The following GPHN variants were observed in gnomAD, a reference collection of about 807,000 sequenced individuals.
GPHN encodes gephyrin.
Under a neutral mutation model 95.5 loss-of-function variants are expected in GPHN, and 17 were observed. That is an observed-to-expected ratio of 0.18 (90% confidence interval 0.12 to 0.27). The LOEUF is 0.27. Among genes scored for constraint, GPHN ranks in the 10% least tolerant of loss-of-function variants. GPHN has a pLI of 1.00. For synonymous variants in GPHN, 320 were observed against 322.5 expected, an observed-to-expected ratio of 0.99 and a Z score of 0.08; for missense variants, 660 against 978.1, an observed-to-expected ratio of 0.67 and a Z score of 4.34.
chr14:67,422,879 T>C, the GPHN span, among the ~76,000 whole-genome samples: 4 of 148,922 alleles, frequency 2.7e-5, no homozygotes, highest in African/African-American at 1.0e-4. Context: ...TTGCCCAGGC[T>C]GGAGTACAAT....
At chr14:67,661,397 GAGACT>G in the GPHN span, among the ~76,000 whole-genome samples, 2 of 150,694 alleles carry the variant, frequency 1.3e-5, no homozygotes, top group Non-Finnish European at 2.9e-5. Flanking sequence ...GGTACCAACT[GAGACT>G]CATGCATGTC....
rs544939628 is a variant in GPHN, at chr14:66,904,915, A to G, written c.390-11088A>G. On this transcript the variant is annotated intron_variant, in intron 5 of 22. Transcript: ENST00000478722. Reference sequence around the variant, plus strand: ...CTTGGAGTAGTCTTATTTGGGTCCTATCCATTTGGTGTTCTCTGACCTTCC... The same window carrying G: ...CTTGGAGTAGTCTTATTTGGGTCCTGTCCATTTGGTGTTCTCTGACCTTCC... Among the ~76,000 whole-genome samples the G allele has an allele frequency of 7.2e-5, 11 of 152,226 alleles. No homozygotes were observed. In the South Asian group the frequency reaches 2.3e-3, roughly 32 times the overall value.
chr14:66,687,463 CTTCTTT>C (rs970868703), intron 2 of GPHN, among the ~76,000 whole-genome samples: 9 of 147,098 alleles, frequency 6.1e-5, no homozygotes, highest in Non-Finnish European at 1.2e-4. Flanking sequence ...TACAATATTA[CTTCTTT>C]TTCTTTATTT....
intron 4 of GPHN, among the ~76,000 whole-genome samples, chr14:66,830,963 A>G (rs776172718): frequency 1.4e-4 from 21 of 152,066 alleles, no homozygotes; most frequent in Non-Finnish European, 2.8e-4. Context: ...TAAGACAGGT[A>G]TTATTTTATG....
the GPHN span, among the ~76,000 whole-genome samples, chr14:67,194,859 C>T: frequency 6.6e-6 from 1 of 152,128 alleles, no homozygotes; most frequent in Admixed American, 6.5e-5. Context: ...GGTTTCACAA[C>T]GTTGGCCAGG....
At chr14:67,023,571 T>TATGC in intron 9 of GPHN, 62 bp from the exon 10 acceptor site, 1 of 1,310,314 alleles carries the variant, frequency 7.6e-7, no homozygotes, top group Non-Finnish European at 1.1e-6. Flanking sequence ...GCCCATTAAA[T>TATGC]ATGCATATCT....
chr14:67,323,997 G>T, the GPHN span, among the ~76,000 whole-genome samples: 1 of 152,186 alleles, frequency 6.6e-6, no homozygotes, highest in Non-Finnish European at 1.5e-5. Context: ...GCTTTCCAAA[G>T]TTGGGGCATC....
At chr14:67,731,207 C>CTTTT in the GPHN span, among the ~76,000 whole-genome samples, 324 of 90,556 alleles carry the variant, frequency 3.6e-3, no homozygotes, top group African/African-American at 0.014. Context: ...TTCTTTCTTT[C>CTTTT]TTTTTTTTTT....
the GPHN span, among the ~76,000 whole-genome samples, chr14:67,214,640 G>GC: frequency 6.6e-5 from 10 of 151,982 alleles, no homozygotes; most frequent in African/African-American, 2.4e-4. Context: ...GATTGACTTG[G>GC]CGATGCGGGC....
intron 9 of GPHN, among the ~76,000 whole-genome samples, chr14:67,014,738 G>T (rs2073205399): frequency 6.6e-6 from 1 of 152,124 alleles, no homozygotes; most frequent in Admixed American, 6.5e-5. Flanking sequence ...TCTTAAGATT[G>T]GGAAATAATG....
chr14:66,584,651 G>T (rs2061345154), intron 1 of GPHN, among the ~76,000 whole-genome samples: 1 of 152,076 alleles, frequency 6.6e-6, no homozygotes, highest in South Asian at 2.1e-4. Context: ...ATGATCATGT[G>T]GTTTTCGTCT....
At chr14:67,204,784 A>AT in the GPHN span, 3 of 1,613,854 alleles carry the variant, frequency 1.9e-6, no homozygotes, top group African/African-American at 4.0e-5. Context: ...CACAGGCTCC[A>AT]TGGATGTGAC....
chr14:67,592,292 T>C, the GPHN span: 1 of 411,084 alleles, frequency 2.4e-6, no homozygotes, highest in Non-Finnish European at 4.7e-6. Context: ...AAAAAAAAAT[T>C]AGCCAGGCGA....
the GPHN span, among the ~76,000 whole-genome samples, chr14:67,195,713 T>TGTGTG: frequency 7.0e-6 from 1 of 143,232 alleles, no homozygotes; most frequent in African/African-American, 2.5e-5. Context: ...TTCTTTTTGG[T>TGTGTG]TGTGTGTGTG....
intron 8 of GPHN, among the ~76,000 whole-genome samples, chr14:66,942,567 A>G (rs2067489110): frequency 6.6e-6 from 1 of 152,218 alleles, no homozygotes. Context: ...AAGTTTGGTT[A>G]TCTTTGTGGT....
At chr14:66,671,731 G>A (rs1464748070) in intron 1 of GPHN, among the ~76,000 whole-genome samples, 1 of 152,104 alleles carries the variant, frequency 6.6e-6, no homozygotes, top group Non-Finnish European at 1.5e-5. Context: ...ATTCCATCAA[G>A]ATTATCAGAT....
chr14:67,324,043 C>T, the GPHN span, among the ~76,000 whole-genome samples: 7 of 152,176 alleles, frequency 4.6e-5, no homozygotes, highest in East Asian at 9.6e-4. Flanking sequence ...TCACATGGGT[C>T]TGTGACATTT....
At chr14:67,183,412 C>T (rs1406005142), downstream of GPHN, among the ~76,000 whole-genome samples, 2 of 152,032 alleles carry the variant, frequency 1.3e-5, no homozygotes, top group African/African-American at 4.8e-5. Context: ...TTTCACAACC[C>T]TATAAGCATT....
At chr14:66,986,856 T>C (rs1237187213) in intron 9 of GPHN, among the ~76,000 whole-genome samples, 1 of 152,186 alleles carries the variant, frequency 6.6e-6, no homozygotes, top group Admixed American at 6.6e-5. Context: ...CTCTTTCCTC[T>C]CCTTGCCTCT....
Sources: allele counts gnomAD v4.1 joint callset (sites outside exome capture counted in the v4.1 genomes callset), GRCh38; gene constraint gnomAD v4.1.1; transcripts MANE v1.5; gene names NCBI Gene and HGNC (gene_info 2026-07-23, HGNC 2026-07-21).